Variants in MDGA2 observed in about 807,000 individuals in gnomAD.
The protein encoded by MDGA2 is MAM domain containing glycosylphosphatidylinositol anchor 2.
A neutral mutation model predicts 117.8 loss-of-function variants in MDGA2; 40 were observed. The observed-to-expected ratio is 0.34, with a 90% CI of 0.26 to 0.44. MDGA2 has a LOEUF of 0.44. MDGA2 is among the 20% of genes least tolerant of loss of function. MDGA2 has a pLI of 1.00. For missense variants in MDGA2, 1,123 were observed against 1,250.6 expected, an observed-to-expected ratio of 0.90 and a Z score of 1.54; for synonymous variants, 452 against 439.0, an observed-to-expected ratio of 1.03 and a Z score of -0.37.
intron 8 of MDGA2, among the ~76,000 whole-genome samples, chr14:46,975,994 C>T (rs1045471294): frequency 5.3e-5 from 8 of 152,030 alleles, no homozygotes; most frequent in African/African-American, 9.7e-5. Context: ...TACCTAACCA[C>T]GTTGGTGGTT....
chr14:47,342,835 T>C, intron 1 of MDGA2: 2 of 343,320 alleles, frequency 5.8e-6, no homozygotes, highest in South Asian at 4.4e-5. Context: ...TGTACTTCTA[T>C]TAAACAAAGA....
rs890929823 is a variant in MDGA2 at position 47,118,202 on chromosome 14, T to C, written c.925+13512A>G. Reference sequence around the variant, plus strand: ...AAGCCTAACTATTCAAGGAGCTACATTTCTTATCAGGGATTTCAGACATTC... The same window carrying C: ...AAGCCTAACTATTCAAGGAGCTACACTTCTTATCAGGGATTTCAGACATTC... On this transcript the variant is annotated intron_variant, in intron 5 of 16. Transcript: ENST00000399232. Among the ~76,000 whole-genome samples, 3 of 152,198 alleles carry C rather than the reference T, an allele frequency of 2.0e-5. No homozygotes were observed. The East Asian group carries it at 5.8e-4, about 29-fold the overall frequency.
chr14:47,664,089 G>A (rs1897898937), intron 1 of MDGA2, among the ~76,000 whole-genome samples: 1 of 152,154 alleles, frequency 6.6e-6, no homozygotes, highest in South Asian at 2.1e-4. Flanking sequence ...CACTGTTAAG[G>A]AGAAGAAGGA....
At chr14:47,436,819 T>G (rs1892908925) in intron 1 of MDGA2, among the ~76,000 whole-genome samples, 1 of 152,130 alleles carries the variant, frequency 6.6e-6, no homozygotes, top group Non-Finnish European at 1.5e-5. Context: ...AGCCAGTTCA[T>G]TTCTTGAGGA....
At chr14:47,200,535 T>TTTTC (rs1491329048) in intron 3 of MDGA2, 8 of 184,628 alleles carry the variant, frequency 4.3e-5, no homozygotes, top group African/African-American at 4.2e-4. Flanking sequence ...TTTTCTTTTC[T>TTTTC]TTTTTTTTTT....
chr14:47,215,784 T>C (rs1455427228), intron 3 of MDGA2, among the ~76,000 whole-genome samples: 1 of 152,150 alleles, frequency 6.6e-6, no homozygotes, highest in East Asian at 1.9e-4. Context: ...GGTATAATTG[T>C]AGACAGCTTG....
chr14:47,470,874 T>C (rs892064185), intron 1 of MDGA2, among the ~76,000 whole-genome samples: 4 of 152,216 alleles, frequency 2.6e-5, no homozygotes, highest in African/African-American at 4.8e-5. Flanking sequence ...GCTGATTTTA[T>C]ACTTAGTAAT....
intron 1 of MDGA2, among the ~76,000 whole-genome samples, chr14:47,472,183 T>C (rs573954480): frequency 2.7e-4 from 41 of 152,310 alleles, no homozygotes; most frequent in Middle Eastern, 3.4e-3. Context: ...CCTATATACA[T>C]ATTTTAGCTA....
intron 3 of MDGA2, among the ~76,000 whole-genome samples, chr14:47,147,960 C>A (rs1467482432): frequency 6.6e-6 from 1 of 152,110 alleles, no homozygotes; most frequent in African/African-American, 2.4e-5. Context: ...CAAACCAAGG[C>A]TGATGTACTT....
chr14:47,657,018 C>T (rs1897757582), intron 1 of MDGA2, among the ~76,000 whole-genome samples: 1 of 152,062 alleles, frequency 6.6e-6, no homozygotes, highest in Admixed American at 6.6e-5. Flanking sequence ...GTAAGAAAGC[C>T]CAAAGTTTTC....
rs1453547936 is a variant in MDGA2, at chr14:47,048,122, T to A, written c.1526-12818A>T. Among the ~76,000 whole-genome samples, 4 of 152,004 alleles carry A rather than the reference T, an allele frequency of 2.6e-5. No individual in the cohort carries two copies. The East Asian group carries it at 7.7e-4, about 29-fold the overall frequency. On this transcript the variant is annotated intron_variant, in intron 7 of 16. Transcript: ENST00000399232. ...TCTATGAAATAACGAGTTTTGGACA[T>A]CCCTATATACATCTACTCCTCCCTT...
chr14:47,091,206 T>A (rs10133247), intron 6 of MDGA2, among the ~76,000 whole-genome samples: 47,941 of 151,980 alleles, frequency 0.32, 7,918 homozygotes, highest in African/African-American at 0.4. Context: ...AGAAAAGAAA[T>A]CTAATATGAG....
intron 1 of MDGA2, among the ~76,000 whole-genome samples, chr14:47,552,528 A>G (rs1039294318): frequency 6.6e-6 from 1 of 152,158 alleles, no homozygotes; most frequent in Admixed American, 6.5e-5. Context: ...TATTTATTAT[A>G]ATGTCAAAAT....
At chr14:46,909,364 C>A (rs1265719817) in intron 10 of MDGA2, among the ~76,000 whole-genome samples, 1 of 152,094 alleles carries the variant, frequency 6.6e-6, no homozygotes, top group Non-Finnish European at 1.5e-5. Context: ...TTATTTCTTA[C>A]AAGTTCAAGG....
chr14:47,564,480 G>T (rs1014127172), intron 1 of MDGA2, among the ~76,000 whole-genome samples: 1 of 152,100 alleles, frequency 6.6e-6, no homozygotes, highest in African/African-American at 2.4e-5. Flanking sequence ...AGCAAAAGGG[G>T]TTTCTCCTTA....
chr14:47,095,874 G>GT (rs1879937188), intron 6 of MDGA2, among the ~76,000 whole-genome samples: 1 of 151,956 alleles, frequency 6.6e-6, no homozygotes, highest in Non-Finnish European at 1.5e-5. Context: ...TCCATCATAA[G>GT]TAATTTTCAT....
chr14:47,409,075 G>A (rs1260403902), intron 1 of MDGA2, among the ~76,000 whole-genome samples: 2 of 152,004 alleles, frequency 1.3e-5, no homozygotes, highest in African/African-American at 2.4e-5. Flanking sequence ...CCAGAAAGGC[G>A]GGGGGGACTG....
At chr14:47,470,426 C>G (rs917002809) in intron 1 of MDGA2, among the ~76,000 whole-genome samples, 1 of 152,086 alleles carries the variant, frequency 6.6e-6, no homozygotes, top group African/African-American at 2.4e-5. Flanking sequence ...TCATACATGT[C>G]CCTGCAAAGG....
At chr14:47,565,877 G>A (rs937205815) in intron 1 of MDGA2, among the ~76,000 whole-genome samples, 5 of 152,186 alleles carry the variant, frequency 3.3e-5, no homozygotes, top group African/African-American at 1.2e-4. Context: ...TGTGGGGCAG[G>A]GAATGGGGGT....
Sources: allele counts gnomAD v4.1 joint callset (sites outside exome capture counted in the v4.1 genomes callset), GRCh38; gene constraint gnomAD v4.1.1; transcripts MANE v1.5; gene names NCBI Gene and HGNC (gene_info 2026-07-23, HGNC 2026-07-21).